Variants in ABCA4 observed in about 807,000 individuals in gnomAD.
ABCA4 encodes the protein ATP binding cassette subfamily A member 4, also known as retinal-specific phospholipid-transporting ATPase ABCA4.
A neutral mutation model predicts 263.7 loss-of-function variants in ABCA4; 196 were observed. The observed-to-expected ratio is 0.74, with a 90% CI of 0.66 to 0.84. The LOEUF is 0.84. Among genes scored for constraint, ABCA4 ranks in the 40% least tolerant of loss-of-function variants. The pLI is 0.00. For synonymous variants in ABCA4, 1,133 were observed against 1,094.2 expected (o/e 1.04, Z -0.70); for missense variants, 2,792 against 2,855.1 (o/e 0.98, Z 0.50).
rs1009024004 is a variant in ABCA4 at position 94,005,629 on chromosome 1, G to A, written c.6006-47C>T. On this transcript the variant is annotated intron_variant, in intron 43 of 49. Coordinates refer to ENST00000370225, the MANE Select transcript of ABCA4 (RefSeq NM_000350.3). ...CTGAGTATCCTTCAAGGAGTGGAGG[G>A]ATGACCATAGAGCTAGGGCTGGAGA... 1.9e-6 allele frequency: 3 copies of A among 1,590,578 alleles called. No individual in the cohort carries two copies. In the African/African-American group the frequency reaches 4.0e-5, roughly 21 times the overall value.
chr1:93,999,459 C>CG (rs1221915816), intron 47 of ABCA4, among the ~76,000 whole-genome samples: 2 of 152,190 alleles, frequency 1.3e-5, no homozygotes, highest in African/African-American at 2.4e-5. Context: ...AGCAAAGGCT[C>CG]GGGAAGGCAG....
At chr1:94,064,339 C>T (rs6658767) in intron 11 of ABCA4, among the ~76,000 whole-genome samples, 4,775 of 152,292 alleles carry the variant, frequency 0.031, 120 homozygotes, top group Non-Finnish European at 0.046. Context: ...TGAAAGCAAG[C>T]CCAGTGTATT....
intron 30 of ABCA4, among the ~76,000 whole-genome samples, chr1:94,028,979 G>A (rs907665717): frequency 1.3e-5 from 2 of 149,352 alleles, no homozygotes; most frequent in African/African-American, 4.9e-5. Flanking sequence ...TGATGCAGAT[G>A]TCTATTTATT....
At chr1:94,115,516 G>C (rs577261907) in intron 1 of ABCA4, among the ~76,000 whole-genome samples, 1 of 152,286 alleles carries the variant, frequency 6.6e-6, no homozygotes, top group South Asian at 2.1e-4. Context: ...CTGAGGTCAA[G>C]TTACTGGGGT....
At chr1:94,014,735 A>G in intron 37 of ABCA4, 45 bp from the exon 38 acceptor site, 1 of 1,612,940 alleles carries the variant, frequency 6.2e-7, no homozygotes, top group Non-Finnish European at 8.5e-7. Context: ...TCCACATTCC[A>G]TTCCACCTAC....
At chr1:94,097,739 T>G (rs1570421516) in intron 6 of ABCA4, among the ~76,000 whole-genome samples, 1 of 152,094 alleles carries the variant, frequency 6.6e-6, no homozygotes, top group East Asian at 1.9e-4. Context: ...GATGGGTTTT[T>G]TTGGTTTGTT....
intron 30 of ABCA4, among the ~76,000 whole-genome samples, chr1:94,029,162 C>T (rs1264856400): frequency 2.6e-5 from 4 of 152,068 alleles, no homozygotes; most frequent in Non-Finnish European, 4.4e-5. Context: ...ATAATGAGCA[C>T]ATATGACTTA....
At chr1:94,001,519 C>A (rs539865666) in intron 45 of ABCA4, 40 of 562,796 alleles carry the variant, frequency 7.1e-5, no homozygotes, top group African/African-American at 6.1e-4. Context: ...AGCTCAGGAG[C>A]CTTTGACCCA....
At chr1:94,031,718 G>A (rs1660208264) in intron 27 of ABCA4, 60 bp downstream of exon 27, 2 of 1,606,470 alleles carry the variant, frequency 1.2e-6, no homozygotes, top group Non-Finnish European at 1.7e-6. Context: ...ACTCAGGAGA[G>A]GAGGGGAAGG....
chr1:94,083,363 T>C lies in ABCA4; in HGVS notation c.847A>G (p.Arg283Gly), dbSNP rs141802200. The C allele has an allele frequency of 1.4e-5, 23 of 1,610,814 alleles. No individual in the cohort carries two copies. The East Asian group carries it at 4.5e-4, about 31-fold the overall frequency. Residue 283 changes from arginine (R) to glycine (G), a missense_variant, in exon 7 of 50, where the codon AGA becomes GGA. By Grantham distance (125) the Arg-to-Gly change is moderately radical (BLOSUM62 -2). Coordinates refer to ENST00000370225, the MANE Select transcript of ABCA4 (RefSeq NM_000350.3). Reference protein sequence around the residue: ...WGGILSDMSPRIQEFIHRPSM... With the variant: ...WGGILSDMSPGIQEFIHRPSM... Reference sequence around the variant, plus strand: ...ATCAGGCTACTCACCTCTTGAATTCTTGGTGACATATCAGATAATATTCCT... The same window carrying C: ...ATCAGGCTACTCACCTCTTGAATTCCTGGTGACATATCAGATAATATTCCT...
rs766239144 is a variant in ABCA4, at chr1:94,040,128, C to T, written c.3523-1G>A. On this transcript the variant is annotated splice_acceptor_variant, in intron 23 of 49. Coordinates refer to ENST00000370225, the MANE Select transcript of ABCA4 (RefSeq NM_000350.3). LOFTEE classifies it high-confidence loss of function. The stretch of plus-strand genomic sequence containing the variant: ...CCTTAGACGAGCAGCTGCAGGTCCC[C>T]TGCAACAGATGGATGGGATGACTGA... 18 of 1,604,936 alleles carry T rather than the reference C, an allele frequency of 1.1e-5. No homozygotes were observed. Among genetic ancestry groups the T allele is most frequent in the Non-Finnish European group, 1.4e-5 (17 of 1,175,038 alleles).
intron 35 of ABCA4, among the ~76,000 whole-genome samples, chr1:94,020,967 T>C (rs796475554): frequency 3.8e-4 from 58 of 152,356 alleles, no homozygotes; most frequent in African/African-American, 1.3e-3. Context: ...AATAATTGTA[T>C]AAGCTCCAGG....
chr1:94,037,956 G>T (rs911515520), intron 24 of ABCA4, among the ~76,000 whole-genome samples: 1 of 152,184 alleles, frequency 6.6e-6, no homozygotes, highest in East Asian at 1.9e-4. Context: ...TCTGTCACCA[G>T]CTATGGGGGA....
chr1:94,106,889 C>G (rs1222670128), intron 4 of ABCA4, among the ~76,000 whole-genome samples: 1 of 152,122 alleles, frequency 6.6e-6, no homozygotes, highest in Admixed American at 6.5e-5. Flanking sequence ...GCGCTGTGGT[C>G]ATTTTCTGCT....
At chr1:94,084,943 C>A (rs756497325) in intron 6 of ABCA4, among the ~76,000 whole-genome samples, 1 of 152,152 alleles carries the variant, frequency 6.6e-6, no homozygotes, top group African/African-American at 2.4e-5. Flanking sequence ...AAGTCCTGCC[C>A]GTCCTCCCTC....
intron 47 of ABCA4, among the ~76,000 whole-genome samples, 192 bp from the exon 48 acceptor site, chr1:93,998,302 G>A (rs898347118): frequency 3.3e-5 from 5 of 152,058 alleles, no homozygotes; most frequent in African/African-American, 1.2e-4. Context: ...ATAAGCCTGG[G>A]CAACAAGAAA....
At chr1:94,023,511 C>CT in intron 31 of ABCA4, 93 bp from the exon 32 acceptor site, 10 of 1,152,618 alleles carry the variant, frequency 8.7e-6, no homozygotes, top group Non-Finnish European at 1.3e-5. Context: ...AGACTGAAGT[C>CT]TCAGTCTTCA....
At chr1:94,065,385 A>G (rs1005129392) in intron 11 of ABCA4, among the ~76,000 whole-genome samples, 1 of 152,176 alleles carries the variant, frequency 6.6e-6, no homozygotes, top group Non-Finnish European at 1.5e-5. Context: ...CCCGAGAAAT[A>G]AAGAAACGAG....
chr1:94,001,358 T>C (rs960753037), intron 45 of ABCA4: 2 of 578,818 alleles, frequency 3.5e-6, no homozygotes, highest in Non-Finnish European at 6.2e-6. Context: ...ATTAAGGCAA[T>C]GACAGAATTC....
Sources: allele counts gnomAD v4.1 joint callset (sites outside exome capture counted in the v4.1 genomes callset), GRCh38; gene constraint gnomAD v4.1.1; transcripts MANE v1.5; gene names NCBI Gene and HGNC (gene_info 2026-07-23, HGNC 2026-07-21).